Variants in DNAH7 observed in about 807,000 individuals in gnomAD.
The protein encoded by DNAH7 is dynein axonemal heavy chain 7, also known as axonemal beta dynein heavy chain 7.
A neutral mutation model predicts 444.6 loss-of-function variants in DNAH7; 397 were observed. The ratio of observed to expected loss-of-function variants is 0.89; its 90% CI spans 0.82 to 0.97. DNAH7 has a LOEUF of 0.97. DNAH7 is among the 50% of genes least tolerant of loss of function. DNAH7 has a pLI of 0.00. For missense variants in DNAH7, 4,902 were observed against 4,800.8 expected, an observed-to-expected ratio of 1.02 and a Z score of -0.62; for synonymous variants, 1,636 against 1,624.4, an observed-to-expected ratio of 1.01 and a Z score of -0.17.
intron 2 of DNAH7, among the ~76,000 whole-genome samples, chr2:196,051,814 T>C (rs1171933015): frequency 1.3e-5 from 2 of 152,144 alleles, no homozygotes; most frequent in Admixed American, 6.5e-5. Context: ...TAGGAACTAC[T>C]GACACTCACC....
intron 2 of DNAH7, among the ~76,000 whole-genome samples, chr2:196,054,558 G>A (rs1319971114): frequency 6.6e-6 from 1 of 152,034 alleles, no homozygotes; most frequent in African/African-American, 2.4e-5. Flanking sequence ...TGAATTATGT[G>A]TACACCTACC....
At chr2:196,028,068 C>G (rs769750624) in intron 5 of DNAH7, 21 bp from the exon 6 acceptor site, 1 of 1,599,036 alleles carries the variant, frequency 6.3e-7, no homozygotes, top group Non-Finnish European at 8.5e-7. Flanking sequence ...GATAAACATA[C>G]TATTCAAAAG....
chr2:196,001,972 G>T, intron 10 of DNAH7, 114 bp from the exon 11 acceptor site: 1 of 743,294 alleles, frequency 1.3e-6, no homozygotes. Flanking sequence ...GAAGTATATT[G>T]CTAAATGATA....
At chr2:196,068,619 G>T in intron 1 of DNAH7, 78 bp downstream of exon 1, 1 of 1,540,260 alleles carries the variant, frequency 6.5e-7, no homozygotes, top group East Asian at 2.5e-5. Context: ...TCGCTAGGCA[G>T]GAGGGGCTTC....
rs1245437572 is a variant in DNAH7, at chr2:195,740,634, TATATATATATACATATACAC to T, written c.11868+112_11868+131del. ...GTGTGTGTATATATATATATATATA[TATATATATATACATATACAC>T]ACACACATATGTATACACATATATA... On this transcript the variant is annotated intron_variant, in intron 64 of 64. Transcript: ENST00000312428. The T allele has an allele frequency of 1.8e-3, 185 of 100,754 alleles. 2 individuals carry two copies. The highest frequency in any genetic ancestry group is 0.011 in the African/African-American group (174 of 16,148). 6.2% of individuals were successfully genotyped at this position (100,754 alleles called of 1,614,324 possible). A position where few individuals can be genotyped will look rare whatever the true frequency, so the allele number is the denominator to read the frequency against.
chr2:195,827,595 T>C (rs1185467691), intron 48 of DNAH7, among the ~76,000 whole-genome samples: 2 of 152,162 alleles, frequency 1.3e-5, no homozygotes, highest in East Asian at 3.9e-4. Flanking sequence ...TTTATTTTAT[T>C]TTTTGAGACA....
intron 61 of DNAH7, among the ~76,000 whole-genome samples, chr2:195,769,901 C>T (rs1424218237): frequency 6.6e-6 from 1 of 152,170 alleles, no homozygotes; most frequent in Non-Finnish European, 1.5e-5. Flanking sequence ...CTCTTGAACT[C>T]TAAAGGAGGT....
chr2:195,997,095 G>T (rs941192337), intron 12 of DNAH7, among the ~76,000 whole-genome samples: 1 of 152,182 alleles, frequency 6.6e-6, no homozygotes, highest in Admixed American at 6.5e-5. Context: ...TTGATCTCAT[G>T]TGAAGCTAAT....
intron 22 of DNAH7, among the ~76,000 whole-genome samples, chr2:195,926,196 T>C (rs1336084929): frequency 6.6e-6 from 1 of 152,192 alleles, no homozygotes; most frequent in Non-Finnish European, 1.5e-5. Flanking sequence ...TTGACTTTTA[T>C]ATACCGTGAA....
intron 46 of DNAH7, among the ~76,000 whole-genome samples, chr2:195,846,949 A>ATGTGTGTGTG (rs35075325): frequency 0.023 from 3,191 of 137,160 alleles, 101 homozygotes; most frequent in African/African-American, 0.061. Flanking sequence ...ACTCCCATAT[A>ATGTGTGTGTG]TGTGTGTGTG....
At chr2:195,756,550 A>G (rs1045772270) in intron 61 of DNAH7, among the ~76,000 whole-genome samples, 2 of 152,036 alleles carry the variant, frequency 1.3e-5, no homozygotes, top group South Asian at 2.1e-4. Flanking sequence ...ATCCTTCTCT[A>G]TTGCCCAGGC....
intron 47 of DNAH7, among the ~76,000 whole-genome samples, chr2:195,844,525 G>T (rs1698871384): frequency 6.6e-6 from 1 of 152,090 alleles, no homozygotes; most frequent in Non-Finnish European, 1.5e-5. Flanking sequence ...TACTAACCAG[G>T]AAACTACAGG....
intron 24 of DNAH7, among the ~76,000 whole-genome samples, chr2:195,919,232 T>C (rs1687872235): frequency 7.4e-6 from 1 of 135,374 alleles, no homozygotes; most frequent in Non-Finnish European, 1.5e-5. Context: ...AGCAAGACTT[T>C]GTTTAAAAAA....
chr2:195,795,773 C>A (rs1266168026), intron 56 of DNAH7: 4 of 152,184 alleles, frequency 2.6e-5, no homozygotes, highest in African/African-American at 9.7e-5. Flanking sequence ...GCAGAGAATA[C>A]AACAGATAAA....
intron 61 of DNAH7, among the ~76,000 whole-genome samples, chr2:195,759,578 G>A (rs552364598): frequency 7.9e-5 from 12 of 152,220 alleles, no homozygotes; most frequent in Middle Eastern, 3.4e-3. Flanking sequence ...AGTGGGGTAT[G>A]CACCAAGAGG....
intron 50 of DNAH7, 60 bp from the exon 51 acceptor site, chr2:195,817,023 T>C (rs548728368): frequency 2.4e-6 from 3 of 1,228,570 alleles, no homozygotes; most frequent in Admixed American, 2.8e-5. Context: ...ATTTCACGTA[T>C]ATGTTCTTTT....
intron 57 of DNAH7, among the ~76,000 whole-genome samples, chr2:195,789,710 C>A (rs1035183706): frequency 6.6e-6 from 1 of 151,804 alleles, no homozygotes; most frequent in Non-Finnish European, 1.5e-5. Context: ...CATACAACAT[C>A]ACCTATGGAA....
rs752967172 is a variant in DNAH7 at position 195,737,990 on chromosome 2, A to C, written c.12006T>G (p.Leu4002=). The C allele has an allele frequency of 5.6e-6, 9 of 1,614,110 alleles. No individual in the cohort carries two copies. In the South Asian group the frequency reaches 9.9e-5, roughly 18 times the overall value. ...HSTNFVIAMT[L]PSDQPKEHWI... is the part of the protein sequence containing the mutation. Reference sequence around the variant, plus strand: ...AGTGTTCCTTGGGTTGGTCAGAGGGAAGAGTCATGGCAATCACAAAATTCG... The same window carrying C: ...AGTGTTCCTTGGGTTGGTCAGAGGGCAGAGTCATGGCAATCACAAAATTCG... Residue 4002 remains leucine (L), a synonymous_variant, in exon 65 of 65, where the codon CTT becomes CTG. Transcript: ENST00000312428.
chr2:195,901,611 T>C (rs11678204), intron 27 of DNAH7: 1 of 152,118 alleles, frequency 6.6e-6, no homozygotes, highest in African/African-American at 2.4e-5. Context: ...TGTCCCCACG[T>C]TGGGAGACCT....
Sources: allele counts gnomAD v4.1 joint callset (sites outside exome capture counted in the v4.1 genomes callset), GRCh38; gene constraint gnomAD v4.1.1; transcripts MANE v1.5; gene names NCBI Gene and HGNC (gene_info 2026-07-23, HGNC 2026-07-21).